The following CHLSN variants were observed in gnomAD, a reference collection of about 807,000 sequenced individuals.
CHLSN encodes the protein cholesin.
At chr7:1,044,593 C>A in the CHLSN span, 3 of 150,852 alleles carry the variant, frequency 2.0e-5, no homozygotes, top group South Asian at 4.1e-4. Context: ...CCGTGAGCCC[C>A]GCCGCCTCCG....
chr7:1,002,109 GA>G, the CHLSN span, among the ~76,000 whole-genome samples: 1 of 139,116 alleles, frequency 7.2e-6, no homozygotes. Flanking sequence ...CTGTGGGTGG[GA>G]AGTCCTGTGG....
the CHLSN span, among the ~76,000 whole-genome samples, chr7:1,006,122 C>A: frequency 6.6e-5 from 10 of 152,350 alleles, no homozygotes; most frequent in Admixed American, 5.9e-4. Context: ...CGTGTAACTA[C>A]CACAGTGGAC....
chr7:1,117,401 G>GGGT, the CHLSN span, among the ~76,000 whole-genome samples: 17 of 80,994 alleles, frequency 2.1e-4, no homozygotes, highest in African/African-American at 3.1e-4. Flanking sequence ...CGCCCACGCA[G>GGGT]GATGACATCA....
the CHLSN span, among the ~76,000 whole-genome samples, chr7:1,054,227 C>T: frequency 3.9e-5 from 6 of 152,214 alleles, no homozygotes; most frequent in African/African-American, 7.2e-5. Flanking sequence ...ACGCAAAGCG[C>T]GTCACCTTCC....
the CHLSN span, among the ~76,000 whole-genome samples, chr7:1,060,475 G>A: frequency 6.6e-6 from 1 of 152,188 alleles, no homozygotes; most frequent in Non-Finnish European, 1.5e-5. Context: ...AGTATGCCCG[G>A]CCCCAGGGAC....
chr7:1,005,165 C>T, the CHLSN span, among the ~76,000 whole-genome samples: 1 of 152,176 alleles, frequency 6.6e-6, no homozygotes, highest in South Asian at 2.1e-4. Context: ...GTGTCGGATG[C>T]CTGTAATCTC....
the CHLSN span, among the ~76,000 whole-genome samples, chr7:1,004,539 C>G: frequency 2.0e-5 from 3 of 152,210 alleles, no homozygotes; most frequent in Non-Finnish European, 4.4e-5. Context: ...GAGCCCCCAC[C>G]AGGCAGACTT....
the CHLSN span, among the ~76,000 whole-genome samples, chr7:994,220 C>T: frequency 9.4e-4 from 143 of 152,276 alleles, no homozygotes; most frequent in Non-Finnish European, 1.9e-3. Context: ...TGCAATGGCA[C>T]GATCTCGGCT....
chr7:985,078 G>T, the CHLSN span: 3 of 1,612,342 alleles, frequency 1.9e-6, no homozygotes, highest in Admixed American at 5.0e-5. Flanking sequence ...ATGCCTCTCT[G>T]GGCAGCTGGA....
chr7:1,097,014 G>A, the CHLSN span, among the ~76,000 whole-genome samples: 3 of 152,224 alleles, frequency 2.0e-5, no homozygotes, highest in Admixed American at 6.5e-5. This position sits in a 1 kb window ranked among gnomAD's most constrained non-coding sequence, Gnocchi z 4.3. Context: ...TCCTGAAGCC[G>A]GGGCTCTCCC....
chr7:997,798 CG>C, the CHLSN span: 1 of 1,603,440 alleles, frequency 6.2e-7, no homozygotes, highest in East Asian at 2.3e-5. Context: ...AAGTGCTCAT[CG>C]GGAACCTGGA....
At chr7:1,033,770 G>A in the CHLSN span, among the ~76,000 whole-genome samples, 1,477 of 152,162 alleles carry the variant, frequency 9.7e-3, 24 homozygotes, top group African/African-American at 0.033. Context: ...CCTGAGTGAG[G>A]TGAGGAGACA....
the CHLSN span, chr7:983,281 G>C: frequency 4.5e-6 from 7 of 1,543,718 alleles, no homozygotes; most frequent in Non-Finnish European, 5.2e-6. Context: ...CTGCGCCCAA[G>C]ACCCCTCCCC....
chr7:1,030,057 C>G, the CHLSN span, among the ~76,000 whole-genome samples: 1 of 152,196 alleles, frequency 6.6e-6, no homozygotes, highest in Admixed American at 6.5e-5. Context: ...GCTCAGTCAC[C>G]GGTTTCATGG....
the CHLSN span, chr7:983,226 C>G: frequency 3.9e-6 from 6 of 1,523,542 alleles, no homozygotes; most frequent in African/African-American, 1.4e-5. Flanking sequence ...CCCTGCTGCT[C>G]TTGCTGTTCC....
the CHLSN span, among the ~76,000 whole-genome samples, chr7:1,053,699 C>T: frequency 6.6e-5 from 10 of 152,144 alleles, no homozygotes; most frequent in Non-Finnish European, 1.2e-4. Flanking sequence ...TGGTGGCAGT[C>T]GCCTGTAATC....
the CHLSN span, among the ~76,000 whole-genome samples, chr7:1,126,406 C>T: frequency 3.9e-4 from 57 of 144,842 alleles, no homozygotes; most frequent in Admixed American, 3.8e-3. Context: ...AGGCCAGGTG[C>T]GGTGGCTCAC....
At chr7:1,098,663 T>G in the CHLSN span, among the ~76,000 whole-genome samples, 2 of 143,664 alleles carry the variant, frequency 1.4e-5, no homozygotes, top group Admixed American at 7.0e-5. Context: ...CGAGTGGAGC[T>G]GCCACGCTCG....
At chr7:1,126,152 A>G in the CHLSN span, among the ~76,000 whole-genome samples, 1 of 149,334 alleles carries the variant, frequency 6.7e-6, no homozygotes, top group South Asian at 2.1e-4. Context: ...CGAGGTCAGG[A>G]GGTCGAGACC....
Sources: allele counts gnomAD v4.1 joint callset (sites outside exome capture counted in the v4.1 genomes callset), GRCh38; gene constraint gnomAD v4.1.1; non-coding constraint Gnocchi (gnomAD v3.1); transcripts MANE v1.5; gene names NCBI Gene and HGNC (gene_info 2026-07-23, HGNC 2026-07-21).